Variants in ADGRL3 observed in about 807,000 individuals in gnomAD.
ADGRL3 encodes the protein calcium-independent alpha-latrotoxin receptor 3.
ADGRL3 carries 62 observed loss-of-function variants against 153.5 expected under a neutral mutation model. The ratio of observed to expected loss-of-function variants is 0.40; its 90% CI spans 0.33 to 0.50. ADGRL3 has a LOEUF of 0.50. ADGRL3 is among the 20% of genes least tolerant of loss of function. ADGRL3 has a pLI of 0.47. For missense variants in ADGRL3, 1,641 were observed against 1,859.4 expected, an observed-to-expected ratio of 0.88 and a Z score of 2.16; for synonymous variants, 710 against 672.5, an observed-to-expected ratio of 1.06 and a Z score of -0.86.
chr4:61,271,383 G>C (rs2093170560), intron 1 of ADGRL3, among the ~76,000 whole-genome samples: 1 of 151,888 alleles, frequency 6.6e-6, no homozygotes. Flanking sequence ...TAAGAGTTTT[G>C]TTAAGATTTC....
Position 62,077,224 on chromosome 4 carries a change from A to G in ADGRL3, c.*6316A>G, listed in dbSNP as rs1177247210. On this transcript the variant is annotated 3_prime_UTR_variant, in exon 27 of 27. Coordinates refer to ENST00000683033, the MANE Select transcript of ADGRL3 (RefSeq NM_001387552.1). ...AAGCAGACTTCTAACTATTTAATTT[A>G]AACATTGCCATTCAGATTGAATAAT... is the stretch of plus-strand genomic sequence containing the variant. The G allele has an allele frequency of 1.3e-5, 2 of 152,064 alleles. No individual in the cohort carries two copies. The highest frequency in any genetic ancestry group is 4.8e-5 in the African/African-American group (2 of 41,550). 9.4% of individuals were successfully genotyped at this position (152,064 alleles called of 1,614,324 possible). A position where few individuals can be genotyped will look rare whatever the true frequency, so the allele number is the denominator to read the frequency against.
At chr4:61,880,121 A>T (rs564759288) in intron 9 of ADGRL3, among the ~76,000 whole-genome samples, 1 of 152,302 alleles carries the variant, frequency 6.6e-6, no homozygotes, top group East Asian at 1.9e-4. Context: ...GAAGTTACTA[A>T]GTCCTCAACC....
intron 2 of ADGRL3, among the ~76,000 whole-genome samples, chr4:61,387,509 G>A (rs908668639): frequency 6.6e-6 from 1 of 152,034 alleles, no homozygotes; most frequent in Admixed American, 6.6e-5. Flanking sequence ...CCACGCCCCA[G>A]GGGGACCAGT....
At chr4:61,295,586 G>A (rs560904913) in intron 1 of ADGRL3, among the ~76,000 whole-genome samples, 2 of 152,000 alleles carry the variant, frequency 1.3e-5, no homozygotes, top group Non-Finnish European at 2.9e-5. Flanking sequence ...TTATGATTTA[G>A]TTAAATATAT....
intron 1 of ADGRL3, among the ~76,000 whole-genome samples, chr4:61,263,049 G>A (rs1002771425): frequency 6.6e-6 from 1 of 151,972 alleles, no homozygotes; most frequent in Admixed American, 6.6e-5. Flanking sequence ...TTTCATATTT[G>A]TGATTTCTGA....
chr4:61,266,677 C>T (rs921367017), intron 1 of ADGRL3, among the ~76,000 whole-genome samples: 2 of 151,636 alleles, frequency 1.3e-5, no homozygotes, highest in South Asian at 2.1e-4. Flanking sequence ...ATTGTCATTT[C>T]GAATTTAATG....
chr4:61,326,254 G>A (rs902557279), intron 1 of ADGRL3, among the ~76,000 whole-genome samples: 10 of 151,970 alleles, frequency 6.6e-5, no homozygotes, highest in Admixed American at 2.0e-4. Flanking sequence ...TGAATTAGCC[G>A]GTTTTTTTCC....
chr4:61,765,251 T>C (rs1001324847), intron 8 of ADGRL3, among the ~76,000 whole-genome samples: 17 of 151,990 alleles, frequency 1.1e-4, no homozygotes, highest in African/African-American at 4.1e-4. Context: ...AGACAGAAGA[T>C]AGTAGGGATG....
At chr4:61,803,484 CTATT>C (rs1482715129) in intron 8 of ADGRL3, among the ~76,000 whole-genome samples, 1 of 152,044 alleles carries the variant, frequency 6.6e-6, no homozygotes, top group African/African-American at 2.4e-5. Flanking sequence ...ACATAGAGCT[CTATT>C]TGTCTTTCAC....
In ADGRL3 at chr4:61,998,279, A is replaced by G; in HGVS notation, c.3395+14A>G. On this transcript the variant is annotated intron_variant, in intron 21 of 26. Transcript: ENST00000683033. The stretch of plus-strand genomic sequence containing the variant: ...TGATAACATCAAGTAAGTGATTTTT[A>G]TTTTTGTTTTCTATAGGTTGTGTTA... 2 of 1,433,676 alleles carry G rather than the reference A, an allele frequency of 1.4e-6. No homozygotes were observed. The highest frequency in any genetic ancestry group is 2.6e-5 in the South Asian group (2 of 77,530). The allele number at this position is 1,433,676 out of a possible 1,614,324, so 88.8% of individuals were successfully genotyped here.
chr4:62,002,524 G>T (rs1442624449), intron 21 of ADGRL3, among the ~76,000 whole-genome samples: 2 of 150,938 alleles, frequency 1.3e-5, no homozygotes, highest in East Asian at 3.9e-4. Flanking sequence ...CATTTAATTG[G>T]TTGGCTCATT....
In ADGRL3 at chr4:61,314,104, C is replaced by T. The variant is rs2095116119; in HGVS notation, c.-239-69020C>T. Among the ~76,000 whole-genome samples, 3 of 152,000 alleles carry T rather than the reference C, an allele frequency of 2.0e-5. No individual in the cohort carries two copies. In the East Asian group the frequency reaches 5.8e-4, roughly 29 times the overall value. On this transcript the variant is annotated intron_variant, in intron 1 of 26. Coordinates refer to ENST00000683033, the MANE Select transcript of ADGRL3 (RefSeq NM_001387552.1). ...AACATTTTAATGGAATAACATTGAA[C>T]AAAATGACATTTTTCAAGGGACTGC... is the stretch of plus-strand genomic sequence containing the variant.
chr4:61,445,437 G>A (rs1223639966), intron 2 of ADGRL3, among the ~76,000 whole-genome samples: 1 of 152,198 alleles, frequency 6.6e-6, no homozygotes, highest in African/African-American at 2.4e-5. Context: ...GGAAGTCACA[G>A]GAAGGTGTGT....
chr4:61,871,349 C>T (rs2098444506), intron 9 of ADGRL3, among the ~76,000 whole-genome samples: 1 of 151,266 alleles, frequency 6.6e-6, no homozygotes, highest in South Asian at 2.1e-4. Context: ...ATGTAGAAAT[C>T]ATCTGAATTT....
intron 13 of ADGRL3, among the ~76,000 whole-genome samples, chr4:61,928,737 G>A (rs2098805155): frequency 6.6e-6 from 1 of 152,020 alleles, no homozygotes; most frequent in Non-Finnish European, 1.5e-5. Context: ...CATTCACCCT[G>A]CCTCCCTCCC....
At chr4:61,830,332 C>T (rs1055718056) in intron 9 of ADGRL3, among the ~76,000 whole-genome samples, 3 of 152,132 alleles carry the variant, frequency 2.0e-5, no homozygotes, top group Non-Finnish European at 4.4e-5. Flanking sequence ...ACTCTATACT[C>T]CAGCCTGGGC....
intron 2 of ADGRL3, among the ~76,000 whole-genome samples, chr4:61,487,749 G>T (rs914061930): frequency 6.6e-6 from 1 of 152,042 alleles, no homozygotes; most frequent in Non-Finnish European, 1.5e-5. Flanking sequence ...TAGTTATCAT[G>T]AATATTTGAG....
chr4:61,646,075 A>G (rs1260169139), intron 5 of ADGRL3, among the ~76,000 whole-genome samples: 1 of 152,180 alleles, frequency 6.6e-6, no homozygotes, highest in Non-Finnish European at 1.5e-5. Flanking sequence ...AGTTGATGGC[A>G]TCGGCTCCTG....
intron 2 of ADGRL3, among the ~76,000 whole-genome samples, chr4:61,450,542 A>C (rs560348856): frequency 6.6e-6 from 1 of 152,244 alleles, no homozygotes; most frequent in African/African-American, 2.4e-5. Context: ...ATAAATATTG[A>C]TATAGTTTGC....
Sources: gnomAD v4.1 joint callset for allele counts (sites outside exome capture counted in the v4.1 genomes callset) on GRCh38, gnomAD v4.1.1 for gene constraint, MANE v1.5 for transcripts, NCBI Gene and HGNC (gene_info 2026-07-23, HGNC 2026-07-21) for gene names.